NEMF: variants seen among roughly 807,000 people sequenced by gnomAD.
The protein encoded by NEMF is ribosome quality control complex subunit NEMF.
NEMF carries 89 observed loss-of-function variants against 162.2 expected under a neutral mutation model. That is an observed-to-expected ratio of 0.55 (90% CI 0.46 to 0.65). The LOEUF (loss-of-function observed/expected upper bound fraction) is 0.65. Among genes scored for constraint, NEMF ranks in the 30% least tolerant of loss-of-function variants. The pLI is 0.00. For missense variants in NEMF, 1,133 were observed against 1,261.9 expected (o/e 0.90, Z 1.55); for synonymous variants, 421 against 404.5 (o/e 1.04, Z -0.49).
chr14:49,827,563 C>T (rs1352574033), intron 15 of NEMF, among the ~76,000 whole-genome samples: 1 of 152,140 alleles, frequency 6.6e-6, no homozygotes, highest in Non-Finnish European at 1.5e-5. Context: ...CTTTGGGAGG[C>T]CGAAGGTCAA....
chr14:49,787,809 T>A (rs1252257807), intron 28 of NEMF, among the ~76,000 whole-genome samples: 2 of 152,180 alleles, frequency 1.3e-5, no homozygotes, highest in Non-Finnish European at 2.9e-5. Context: ...AAACGAGTTT[T>A]AGTATTACTA....
At chr14:49,829,775 A>T (rs1451067012) in intron 11 of NEMF, among the ~76,000 whole-genome samples, 2 of 151,500 alleles carry the variant, frequency 1.3e-5, no homozygotes, top group African/African-American at 4.9e-5. Context: ...CGAATTCTTT[A>T]TTTTTTTTTA....
At chr14:49,803,208 T>A in intron 20 of NEMF, 29 bp downstream of exon 20, 5 of 1,475,934 alleles carry the variant, frequency 3.4e-6, no homozygotes. Flanking sequence ...TTGACAAGTC[T>A]AGTGATATTT....
chr14:49,787,615 G>A (rs1890237618), intron 28 of NEMF, among the ~76,000 whole-genome samples: 1 of 152,162 alleles, frequency 6.6e-6, no homozygotes, highest in African/African-American at 2.4e-5. Flanking sequence ...ACTTCCTAAA[G>A]GCCCAACCTC....
chr14:49,823,220 G>A (rs1892171438), intron 16 of NEMF, among the ~76,000 whole-genome samples: 1 of 151,784 alleles, frequency 6.6e-6, no homozygotes, highest in Non-Finnish European at 1.5e-5. Flanking sequence ...GATTACATGG[G>A]TGAGCACCAC....
At chr14:49,852,338 C>T (rs1893819867) in intron 1 of NEMF, among the ~76,000 whole-genome samples, 1 of 152,194 alleles carries the variant, frequency 6.6e-6, no homozygotes, top group African/African-American at 2.4e-5. Flanking sequence ...GTTCAAGAAA[C>T]CAAGCCCCCA....
At position 49,840,753 on chromosome 14, in the gene NEMF, A is replaced by G; in HGVS notation, c.471T>C (p.His157=). 3.7e-6 allele frequency: 6 copies of G among 1,614,080 alleles called. No homozygotes were observed. The highest frequency in any genetic ancestry group is 5.1e-6 in the Non-Finnish European group (6 of 1,180,006). Residue 157 remains histidine (H), a synonymous_variant, in exon 5 of 33, where the codon CAT becomes CAC. Transcript: ENST00000298310. The part of the protein sequence containing the change: ...FAVRERYPLD[H]ARAAEPLLTL... ...TAAGCAAAGGTTCAGCAGCTCTAGC[A>G]TGATCAAGTGGATAGCGTTCACGAA...
chr14:49,815,747 G>A (rs576012572), intron 16 of NEMF, among the ~76,000 whole-genome samples: 47 of 152,150 alleles, frequency 3.1e-4, no homozygotes, highest in African/African-American at 9.9e-4. Flanking sequence ...GGCGGATCAC[G>A]AGCTCAGGAG....
chr14:49,846,903 TGAGA>T (rs1374908461), intron 3 of NEMF, among the ~76,000 whole-genome samples: 2 of 152,242 alleles, frequency 1.3e-5, no homozygotes, highest in Admixed American at 1.3e-4. Flanking sequence ...TACTTTATTT[TGAGA>T]GAGAGTCTCG....
intron 8 of NEMF, 27 bp from the exon 9 acceptor site, chr14:49,832,304 T>C (rs754267368): frequency 2.1e-5 from 30 of 1,425,528 alleles, no homozygotes; most frequent in Non-Finnish European, 1.5e-5. Context: ...TTAAAATCAT[T>C]CCTATTCATA....
At chr14:49,808,681 G>C (rs1301402554) in intron 18 of NEMF, among the ~76,000 whole-genome samples, 1 of 150,288 alleles carries the variant, frequency 6.7e-6, no homozygotes, top group Non-Finnish European at 1.5e-5. Context: ...GTGATTAAGA[G>C]GTCTAACCTC....
chr14:49,849,892 G>A (rs1362925473), intron 3 of NEMF, among the ~76,000 whole-genome samples: 4 of 152,124 alleles, frequency 2.6e-5, no homozygotes, highest in African/African-American at 9.7e-5. Flanking sequence ...TTAATAATCT[G>A]AGAATTTTGT....
At chr14:49,846,328 G>A in intron 3 of NEMF, 63 bp from the exon 4 acceptor site, 1 of 1,477,674 alleles carries the variant, frequency 6.8e-7, no homozygotes, top group Non-Finnish European at 9.3e-7. Flanking sequence ...TTTGGTATTG[G>A]TTTATAAATA....
chr14:49,805,777 C>T (rs780495692), intron 19 of NEMF, among the ~76,000 whole-genome samples: 1 of 152,086 alleles, frequency 6.6e-6, no homozygotes, highest in Non-Finnish European at 1.5e-5. Flanking sequence ...CAAATCCTAC[C>T]TTCCTAGAAA....
intron 16 of NEMF, among the ~76,000 whole-genome samples, chr14:49,818,861 G>A (rs1326135243): frequency 1.3e-5 from 2 of 152,104 alleles, no homozygotes; most frequent in African/African-American, 4.8e-5. Flanking sequence ...ACTAGCTCAA[G>A]GGGAAAAGGG....
At chr14:49,792,559 A>T (rs1017472021) in intron 26 of NEMF, among the ~76,000 whole-genome samples, 2 of 152,200 alleles carry the variant, frequency 1.3e-5, no homozygotes, top group South Asian at 4.1e-4. Flanking sequence ...AAAGAGGGAA[A>T]GGTCCTAAAC....
intron 11 of NEMF, among the ~76,000 whole-genome samples, chr14:49,830,017 A>G (rs555844154): frequency 1.9e-4 from 29 of 152,346 alleles, no homozygotes; most frequent in African/African-American, 6.5e-4. Flanking sequence ...CCCTAAATTA[A>G]TAAGACAAAG....
chr14:49,798,243 A>C, intron 25 of NEMF, among the ~76,000 whole-genome samples: 1 of 152,266 alleles, frequency 6.6e-6, no homozygotes, highest in East Asian at 1.9e-4. Context: ...GAAAGTGTTT[A>C]ATGAATGTGC....
intron 3 of NEMF, among the ~76,000 whole-genome samples, chr14:49,847,663 T>C (rs1893570176): frequency 1.3e-5 from 2 of 152,058 alleles, no homozygotes; most frequent in African/African-American, 4.8e-5. Flanking sequence ...TATGGTATCC[T>C]GTAAATAGTC....
Sources: gnomAD v4.1 joint callset for allele counts (sites outside exome capture counted in the v4.1 genomes callset) on GRCh38, gnomAD v4.1.1 for gene constraint, MANE v1.5 for transcripts, NCBI Gene and HGNC (gene_info 2026-07-23, HGNC 2026-07-21) for gene names.